Variants in SLC35F1 observed in about 807,000 individuals in gnomAD.
SLC35F1 encodes solute carrier family 35 member F1, also known as chromosome 6 open reading frame 169.
Under a neutral mutation model 48.7 loss-of-function variants are expected in SLC35F1, and 14 were observed. The ratio of observed to expected loss-of-function variants is 0.29; its 90% CI spans 0.19 to 0.45. SLC35F1 has a LOEUF of 0.45. SLC35F1 is among the 20% of genes least tolerant of loss of function. The pLI is 1.00. For synonymous variants in SLC35F1, 190 were observed against 202.2 expected (o/e 0.94, Z 0.51); for missense variants, 404 against 500.0 (o/e 0.81, Z 1.83).
At chr6:118,081,657 C>T (rs1461797579) in intron 1 of SLC35F1, among the ~76,000 whole-genome samples, 1 of 152,066 alleles carries the variant, frequency 6.6e-6, no homozygotes, top group Non-Finnish European at 1.5e-5. Flanking sequence ...CAAACAAAAA[C>T]CACCAGATAC....
Position 117,907,866 on chromosome 6 carries a change from G to A in SLC35F1, c.140G>A (p.Gly47Asp). 1.3e-6 allele frequency: 2 copies of A among 1,518,354 alleles called. No individual in the cohort carries two copies. Among genetic ancestry groups the A allele is most frequent in the Non-Finnish European group, 8.7e-7 (1 of 1,143,518 alleles). 94.1% of individuals were successfully genotyped at this position (1,518,354 alleles called of 1,614,324 possible). A position where few individuals can be genotyped will look rare whatever the true frequency, so the allele number is the denominator to read the frequency against. Reference sequence around the variant, plus strand: ...AGCCTGTCCGCCTCCTCCCGGGCTGGCGTGCGCCAGAGGATCCGCAAAGTG... The same window carrying A: ...AGCCTGTCCGCCTCCTCCCGGGCTGACGTGCGCCAGAGGATCCGCAAAGTG... ...GGSLSASSRA[G>D]VRQRIRKVLN... The change falls in exon 1 of 8, where the codon GGC becomes GAC. Residue 47 changes from glycine to aspartate, a missense_variant. Physicochemically the swap from Gly to Asp is moderately conservative, Grantham distance 94. Transcript: ENST00000360388.
At chr6:117,960,947 A>G (rs1326255714) in intron 1 of SLC35F1, among the ~76,000 whole-genome samples, 1 of 152,208 alleles carries the variant, frequency 6.6e-6, no homozygotes, top group Non-Finnish European at 1.5e-5. Flanking sequence ...GACATGTGCC[A>G]TATGATACCC....
intron 1 of SLC35F1, among the ~76,000 whole-genome samples, chr6:117,910,829 C>A (rs1274059204): frequency 3.9e-5 from 6 of 152,210 alleles, no homozygotes; most frequent in African/African-American, 9.7e-5. Flanking sequence ...GAACAGCTAT[C>A]TGACAACCCA....
rs566148296 is a variant in SLC35F1 at position 118,096,354 on chromosome 6, A to G, written c.174-58091A>G. Reference sequence around the variant, plus strand: ...GTTAACGCATAGCAGAATCCAGTGAATGTGAGTTAAAAAGAGTAAAGCCAC... The same window carrying G: ...GTTAACGCATAGCAGAATCCAGTGAGTGTGAGTTAAAAAGAGTAAAGCCAC... On this transcript the variant is annotated intron_variant, in intron 1 of 7. Coordinates refer to ENST00000360388, the MANE Select transcript of SLC35F1 (RefSeq NM_001029858.4). Among the ~76,000 whole-genome samples, 7 of 152,332 alleles carry G rather than the reference A, an allele frequency of 4.6e-5. No individual in the cohort carries two copies. The South Asian group carries it at 1.2e-3, about 27-fold the overall frequency.
chr6:118,024,229 C>T (rs1348164214), intron 1 of SLC35F1, among the ~76,000 whole-genome samples: 1 of 152,176 alleles, frequency 6.6e-6, no homozygotes, highest in Non-Finnish European at 1.5e-5. Flanking sequence ...ACTCCTACGG[C>T]ATCCCAACAT....
intron 1 of SLC35F1, among the ~76,000 whole-genome samples, chr6:118,048,325 A>G (rs1772331044): frequency 2.6e-5 from 4 of 152,080 alleles, no homozygotes; most frequent in Admixed American, 2.6e-4. Context: ...TTCATCAAGG[A>G]TATTGGTCTA....
chr6:118,226,155 C>G (rs2095406), intron 2 of SLC35F1, among the ~76,000 whole-genome samples: 142,150 of 152,268 alleles, frequency 0.93, 66,415 homozygotes, highest in East Asian at 0.98. Flanking sequence ...AAATGCAAAT[C>G]AAAACTATAG....
At chr6:118,218,305 G>A (rs1352930918) in intron 2 of SLC35F1, among the ~76,000 whole-genome samples, 1 of 152,136 alleles carries the variant, frequency 6.6e-6, no homozygotes, top group Non-Finnish European at 1.5e-5. Flanking sequence ...TCATTTCTCA[G>A]CTAGAGGACT....
chr6:118,236,851 A>G (rs571033997), intron 3 of SLC35F1, among the ~76,000 whole-genome samples: 8 of 152,230 alleles, frequency 5.3e-5, no homozygotes, highest in Non-Finnish European at 1.0e-4. Flanking sequence ...CAGATGCCTC[A>G]TGAGACTCCA....
intron 2 of SLC35F1, among the ~76,000 whole-genome samples, chr6:118,158,180 G>T (rs1774173669): frequency 6.6e-6 from 1 of 152,170 alleles, no homozygotes; most frequent in Admixed American, 6.5e-5. Context: ...CTTCATTTGG[G>T]TGTTTCCTCA....
In SLC35F1 at chr6:117,998,890, T is replaced by C; in HGVS notation, c.173+90991T>C. The C allele has an allele frequency of 4.4e-6, 3 of 686,300 alleles. No homozygotes were observed. In the South Asian group the frequency reaches 4.7e-5, roughly 11 times the overall value. 42.5% of individuals were successfully genotyped at this position (686,300 alleles called of 1,614,324 possible). A position where few individuals can be genotyped will look rare whatever the true frequency, so the allele number is the denominator to read the frequency against. Reference sequence around the variant, plus strand: ...ACTAGAAAAGCAAGAGCAAACACATTCAAAAGCTAGCAGAAGGCAAGAAAT... The same window carrying C: ...ACTAGAAAAGCAAGAGCAAACACATCCAAAAGCTAGCAGAAGGCAAGAAAT... On this transcript the variant is annotated intron_variant, in intron 1 of 7. Coordinates refer to ENST00000360388, the MANE Select transcript of SLC35F1 (RefSeq NM_001029858.4).
intron 3 of SLC35F1, among the ~76,000 whole-genome samples, chr6:118,246,220 GCTT>G (rs1184606638): frequency 6.6e-6 from 1 of 152,080 alleles, no homozygotes; most frequent in Non-Finnish European, 1.5e-5. Context: ...TTTCCAAGAT[GCTT>G]CCTTGCTAAA....
chr6:118,017,053 C>T (rs531640607), intron 1 of SLC35F1, among the ~76,000 whole-genome samples: 2 of 152,158 alleles, frequency 1.3e-5, no homozygotes, highest in African/African-American at 2.4e-5. Flanking sequence ...TTTCCATCCC[C>T]GGAATATTTC....
At chr6:118,208,086 TACAC>T (rs1321065333) in intron 2 of SLC35F1, among the ~76,000 whole-genome samples, 1 of 149,988 alleles carries the variant, frequency 6.7e-6, no homozygotes, top group African/African-American at 2.5e-5. Flanking sequence ...CACACACACA[TACAC>T]ACACATGCAC....
At chr6:118,031,001 C>A (rs1772036815) in intron 1 of SLC35F1, among the ~76,000 whole-genome samples, 1 of 151,958 alleles carries the variant, frequency 6.6e-6, no homozygotes, top group Non-Finnish European at 1.5e-5. Context: ...TCACAGCAAG[C>A]CTGAGTGGAA....
At chr6:118,236,767 G>T (rs964507741) in intron 3 of SLC35F1, among the ~76,000 whole-genome samples, 3 of 152,208 alleles carry the variant, frequency 2.0e-5, no homozygotes, top group Admixed American at 6.5e-5. Flanking sequence ...GGAGACCTGA[G>T]CCTGCCCGGT....
intron 1 of SLC35F1, among the ~76,000 whole-genome samples, chr6:118,043,455 G>A (rs1220165303): frequency 6.6e-6 from 1 of 151,938 alleles, no homozygotes; most frequent in Non-Finnish European, 1.5e-5. Flanking sequence ...TAGTAGAAGG[G>A]GAAGGCATTT....
intron 1 of SLC35F1, among the ~76,000 whole-genome samples, 196 bp downstream of exon 1, chr6:117,908,095 TG>T (rs1198049757): frequency 1.3e-5 from 2 of 152,170 alleles, no homozygotes; most frequent in Non-Finnish European, 1.5e-5. Context: ...CAGGGAGCCC[TG>T]GAGTGGTGGA....
At chr6:118,140,600 T>TTG (rs1242573343) in intron 1 of SLC35F1, among the ~76,000 whole-genome samples, 2 of 151,020 alleles carry the variant, frequency 1.3e-5, no homozygotes, top group African/African-American at 2.4e-5. Flanking sequence ...TTCCTTATAT[T>TTG]TTTTTTTTTG....
Sources: gnomAD v4.1 joint callset for allele counts (sites outside exome capture counted in the v4.1 genomes callset) on GRCh38, gnomAD v4.1.1 for gene constraint, MANE v1.5 for transcripts, NCBI Gene and HGNC (gene_info 2026-07-23, HGNC 2026-07-21) for gene names.